MTHFD1L: variants seen among roughly 807,000 people sequenced by gnomAD.
MTHFD1L encodes monofunctional C1-tetrahydrofolate synthase, mitochondrial.
Under a neutral mutation model 119.5 loss-of-function variants are expected in MTHFD1L, and 81 were observed. That is an observed-to-expected ratio of 0.68 (90% CI 0.57 to 0.82). MTHFD1L has a LOEUF of 0.82. MTHFD1L is among the 40% of genes least tolerant of loss of function. The pLI, the probability that MTHFD1L is intolerant of heterozygous loss-of-function variation, is 0.00. For synonymous variants in MTHFD1L, 430 were observed against 475.2 expected, an observed-to-expected ratio of 0.90 and a Z score of 1.24; for missense variants, 1,125 against 1,253.4, an observed-to-expected ratio of 0.90 and a Z score of 1.55.
chr6:151,092,382 G>T, intron 26 of MTHFD1L, 85 bp from the exon 27 acceptor site: 1 of 1,005,212 alleles, frequency 9.9e-7, no homozygotes, highest in South Asian at 1.4e-5. Context: ...AGGCTGTATT[G>T]AACGATAGAG....
chr6:151,095,085 T>G (rs537656320), intron 27 of MTHFD1L, among the ~76,000 whole-genome samples: 1 of 152,330 alleles, frequency 6.6e-6, no homozygotes, highest in Admixed American at 6.5e-5. Context: ...TTTGTATGTG[T>G]TTTTTGCTGA....
chr6:150,945,701 A>G (rs1793817438), intron 15 of MTHFD1L, among the ~76,000 whole-genome samples, 160 bp downstream of exon 15: 1 of 152,108 alleles, frequency 6.6e-6, no homozygotes. Context: ...CAGAGAGAGC[A>G]CAGTGTTGGA....
At chr6:151,052,225 A>C (rs778396355) in intron 26 of MTHFD1L, among the ~76,000 whole-genome samples, 1 of 152,176 alleles carries the variant, frequency 6.6e-6, no homozygotes, top group Admixed American at 6.5e-5. Context: ...TTAGAAATCA[A>C]TTTTGGAGTT....
chr6:150,919,806 C>T (rs1316212216), intron 9 of MTHFD1L, among the ~76,000 whole-genome samples: 1 of 152,208 alleles, frequency 6.6e-6, no homozygotes, highest in Non-Finnish European at 1.5e-5. Flanking sequence ...GGCCCCACCT[C>T]TAACACTGGG....
chr6:151,027,177 G>A (rs1433988179), intron 24 of MTHFD1L, among the ~76,000 whole-genome samples: 1 of 151,598 alleles, frequency 6.6e-6, no homozygotes, highest in African/African-American at 2.4e-5. Context: ...TTAATATCTT[G>A]CCAGCTTTTG....
chr6:151,015,424 A>G (rs1782907281), intron 23 of MTHFD1L, 92 bp from the exon 24 acceptor site: 4 of 1,367,002 alleles, frequency 2.9e-6, no homozygotes, highest in Non-Finnish European at 3.0e-6. Context: ...ATTCAGTGTT[A>G]GGGAGCGAAG....
chr6:150,866,487 G>A (rs1680309615), intron 1 of MTHFD1L: 1 of 1,318,006 alleles, frequency 7.6e-7, no homozygotes, highest in South Asian at 2.0e-5. Context: ...CCGGGGTTCG[G>A]GAAGGGCAAG....
intron 26 of MTHFD1L, among the ~76,000 whole-genome samples, chr6:151,084,439 G>A (rs1793523309): frequency 6.6e-6 from 1 of 152,146 alleles, no homozygotes; most frequent in African/African-American, 2.4e-5. Flanking sequence ...CCTGGGGTCG[G>A]GGCTGGGGGA....
intron 5 of MTHFD1L, among the ~76,000 whole-genome samples, chr6:150,884,371 A>G (rs1285155525): frequency 1.3e-5 from 2 of 151,488 alleles, no homozygotes; most frequent in Non-Finnish European, 2.9e-5. Flanking sequence ...CGATCTCCTG[A>G]CCTCGTGACC....
At chr6:151,016,768 C>CTTTTTTT (rs757274955) in intron 24 of MTHFD1L, 45 of 217,748 alleles carry the variant, frequency 2.1e-4, no homozygotes, top group Middle Eastern at 2.0e-3. Context: ...CTATCTTAGC[C>CTTTTTTT]TTTTTTTTTT....
chr6:150,956,055 A>G lies in MTHFD1L; in HGVS notation c.1787A>G (p.Lys596Arg). ...ACCATCGGGCAGGGAAACACAGAGA[A>G]GGGCCATTACCGGCAGGTAGGTGGT... The part of the protein sequence containing the change: ...KITIGQGNTE[K>R]GHYRQAQFDI... The change falls in exon 17 of 28, where the codon AAG becomes AGG. Residue 596 changes from lysine to arginine, a missense_variant. This residue lies in a region of MTHFD1L where 1,058 missense variants were observed against 1,151.2 expected (regional missense o/e 0.92). Coordinates refer to ENST00000367321, the MANE Select transcript of MTHFD1L (RefSeq NM_015440.5). 1 of 1,614,042 alleles carries G rather than the reference A, an allele frequency of 6.2e-7. No homozygotes were observed. Among genetic ancestry groups the G allele is most frequent in the Non-Finnish European group, 8.5e-7 (1 of 1,179,880 alleles).
At chr6:150,970,694 C>G (rs1197153123) in intron 19 of MTHFD1L, among the ~76,000 whole-genome samples, 1 of 152,114 alleles carries the variant, frequency 6.6e-6, no homozygotes, top group Non-Finnish European at 1.5e-5. Flanking sequence ...ACCCAGAACT[C>G]AAGATAAATG....
intron 19 of MTHFD1L, among the ~76,000 whole-genome samples, chr6:150,965,815 A>G (rs1797129549): frequency 6.6e-6 from 1 of 152,188 alleles, no homozygotes; most frequent in Non-Finnish European, 1.5e-5. Context: ...TTTCCAAGCA[A>G]AATACAATAA....
chr6:150,921,452 A>G (rs913266722), intron 9 of MTHFD1L, among the ~76,000 whole-genome samples: 1 of 151,384 alleles, frequency 6.6e-6, no homozygotes, highest in Non-Finnish European at 1.5e-5. Context: ...GGGTTTCACC[A>G]TGTTGCCCAG....
At chr6:150,944,338 C>T (rs1051960707) in intron 13 of MTHFD1L, 148 bp from the exon 14 acceptor site, 4 of 630,018 alleles carry the variant, frequency 6.3e-6, no homozygotes, top group Non-Finnish European at 1.1e-5. Flanking sequence ...TCCCAGCCTA[C>T]TCAGTAGGCT....
At chr6:150,866,268 G>C in intron 1 of MTHFD1L, 1 of 1,447,086 alleles carries the variant, frequency 6.9e-7, no homozygotes, top group Non-Finnish European at 9.1e-7. Context: ...GACCGGGCCC[G>C]CAGCGCAGGT....
chr6:151,053,217 A>G (rs1191428754), intron 26 of MTHFD1L, among the ~76,000 whole-genome samples: 2 of 152,202 alleles, frequency 1.3e-5, no homozygotes, highest in African/African-American at 4.8e-5. Flanking sequence ...CCCAACTATT[A>G]TAAGGCCATG....
chr6:151,077,586 C>T lies in MTHFD1L; in HGVS notation c.2848-14881C>T, dbSNP rs1792662818. Among the ~76,000 whole-genome samples, 2 of 152,170 alleles carry T rather than the reference C, an allele frequency of 1.3e-5. 1 individual carries two copies. Among genetic ancestry groups the T allele is most frequent in the South Asian group, 4.1e-4 (2 of 4,826 alleles). On this transcript the variant is annotated intron_variant, in intron 26 of 27. Coordinates refer to ENST00000367321, the MANE Select transcript of MTHFD1L (RefSeq NM_015440.5). ...ATCCTAGCTACTCGGGAAGCTGAGGCATGAGAATTGCTTGAACTTGGGAGG... is the reference window on the plus strand; with the variant it reads ...ATCCTAGCTACTCGGGAAGCTGAGGTATGAGAATTGCTTGAACTTGGGAGG...
intron 16 of MTHFD1L, among the ~76,000 whole-genome samples, chr6:150,953,719 A>G (rs932374810): frequency 1.3e-5 from 2 of 151,382 alleles, no homozygotes; most frequent in African/African-American, 4.9e-5. Context: ...CTTGCCAGAC[A>G]TTTTTTTTTC....
Sources: allele counts gnomAD v4.1 joint callset (sites outside exome capture counted in the v4.1 genomes callset), GRCh38; gene constraint gnomAD v4.1.1; regional missense constraint gnomAD v4.1.1; transcripts MANE v1.5; gene names NCBI Gene and HGNC (gene_info 2026-07-23, HGNC 2026-07-21).